Variants in MED31 observed in about 807,000 individuals in gnomAD.
MED31 encodes the protein mediator complex subunit 31.
Under a neutral mutation model 22.0 loss-of-function variants are expected in MED31, and 11 were observed. That is an observed-to-expected ratio of 0.50 (90% CI 0.31 to 0.83). MED31 has a LOEUF of 0.83. Ranked by LOEUF, MED31 falls within the 40% of genes least tolerant of loss-of-function variation. The pLI, the probability that MED31 is intolerant of heterozygous loss-of-function variation, is 0.04. For synonymous variants in MED31, 60 were observed against 55.1 expected, an observed-to-expected ratio of 1.09 and a Z score of -0.40; for missense variants, 122 against 155.3, an observed-to-expected ratio of 0.79 and a Z score of 1.14.
At chr17:6,649,215 GTTTTTTTTGTTT>G (rs1402907719) in intron 3 of MED31, among the ~76,000 whole-genome samples, 1 of 19,428 alleles carries the variant, frequency 5.1e-5, no homozygotes, top group Non-Finnish European at 9.1e-5. Flanking sequence ...GGTTTTTTTT[GTTTTTTTTGTTT>G]TTTTTTTTTA....
chr17:6,644,569 A>G lies in MED31; in HGVS notation c.294T>C (p.Asp98=). Residue 98 remains aspartate (D), a synonymous_variant, in exon 4 of 4, where the codon GAT becomes GAC. Transcript: ENST00000225728. ...LVNAQCAKFI[D]EQQILHWQHY... ...GCTGCCAATGTAGAATCTGCTGTTCATCAATAAATTTCGCACACTGAGCAT... is the reference window on the plus strand; with the variant it reads ...GCTGCCAATGTAGAATCTGCTGTTCGTCAATAAATTTCGCACACTGAGCAT... The G allele has an allele frequency of 1.2e-6, 2 of 1,613,960 alleles. No homozygotes were observed. Among genetic ancestry groups the G allele is most frequent in the Non-Finnish European group, 1.7e-6 (2 of 1,179,998 alleles).
At chr17:6,650,267 G>T in intron 2 of MED31, 89 bp downstream of exon 2, 1 of 1,371,358 alleles carries the variant, frequency 7.3e-7, no homozygotes, top group Non-Finnish European at 1.0e-6. Flanking sequence ...AACTGAGAAT[G>T]TGTAAAAGTA....
At chr17:6,646,675 G>A (rs753864377) in intron 3 of MED31, among the ~76,000 whole-genome samples, 4 of 152,248 alleles carry the variant, frequency 2.6e-5, no homozygotes, top group Admixed American at 6.5e-5. Flanking sequence ...CACTGCGGAA[G>A]GCCGCAGGGA....
chr17:6,650,968 A>G (rs1019253306), intron 1 of MED31, among the ~76,000 whole-genome samples: 2 of 151,632 alleles, frequency 1.3e-5, no homozygotes, highest in Admixed American at 6.6e-5. Context: ...AAATACAAAA[A>G]AAATTAGCCG....
At chr17:6,645,008 T>C (rs759099108) in intron 3 of MED31, among the ~76,000 whole-genome samples, 6 of 152,248 alleles carry the variant, frequency 3.9e-5, no homozygotes, top group Non-Finnish European at 8.8e-5. Context: ...ATGTGTTTAA[T>C]TGATAGTTAC....
intron 3 of MED31, among the ~76,000 whole-genome samples, chr17:6,648,406 T>A (rs116056152): frequency 0.013 from 1,937 of 152,292 alleles, 32 homozygotes; most frequent in African/African-American, 0.043. Flanking sequence ...GCAGGCCAAG[T>A]GGTAGAAAGT....
intron 3 of MED31, among the ~76,000 whole-genome samples, chr17:6,648,879 T>G (rs924621645): frequency 2.0e-5 from 3 of 152,204 alleles, no homozygotes; most frequent in South Asian, 4.1e-4. Context: ...TCGGCAACGT[T>G]GTGGGTAAGA....
chr17:6,647,691 A>G (rs186985962), intron 3 of MED31, among the ~76,000 whole-genome samples: 6 of 152,380 alleles, frequency 3.9e-5, no homozygotes, highest in Admixed American at 6.5e-5. Context: ...TTATGCTAGA[A>G]TGCTCTATTC....
chr17:6,645,321 A>G (rs1210059767), intron 3 of MED31, among the ~76,000 whole-genome samples: 1 of 152,222 alleles, frequency 6.6e-6, no homozygotes, highest in Non-Finnish European at 1.5e-5. Context: ...ATAAACATGT[A>G]TATGTGTGTG....
intron 1 of MED31, 104 bp from the exon 2 acceptor site, chr17:6,650,537 TG>T: frequency 9.7e-7 from 1 of 1,025,768 alleles, no homozygotes; most frequent in Non-Finnish European, 1.5e-6. Context: ...AATGTTGAGA[TG>T]GTCTTCCTAA....
At chr17:6,649,838 T>G in intron 3 of MED31, 144 bp downstream of exon 3, 1 of 792,046 alleles carries the variant, frequency 1.3e-6, no homozygotes, top group Non-Finnish European at 1.8e-6. Context: ...GTGTTACAAG[T>G]TAGAGATGAG....
rs542726099 is a variant in MED31, at chr17:6,643,725, A to C, written c.*742T>G. The C allele has an allele frequency of 6.0e-6, 1 of 166,596 alleles. No individual in the cohort carries two copies. The highest frequency in any genetic ancestry group is 1.6e-4 in the East Asian group (1 of 6,124). 10.3% of individuals were successfully genotyped at this position (166,596 alleles called of 1,614,324 possible). On this transcript the variant is annotated 3_prime_UTR_variant, in exon 4 of 4. Transcript: ENST00000225728. ...TCTCTTCTATAAACAAGGTTCTTAG[A>C]ATAAAATGAGAATTCAAGGAAGCAC...
rs200954876 is a variant in MED31, at chr17:6,644,581, C to T, written c.282G>A (p.Ala94=). The T allele has an allele frequency of 5.6e-6, 9 of 1,613,714 alleles. No homozygotes were observed. The highest frequency in any genetic ancestry group is 3.3e-5 in the Admixed American group (2 of 59,782). Residue 94 remains alanine (A), a synonymous_variant, in exon 4 of 4, where the codon GCG becomes GCA. Transcript: ENST00000225728. ...GAATCTGCTGTTCATCAATAAATTT[C>T]GCACACTGAGCATTCACCAGCTCCT... The part of the protein sequence containing the change: ...FRKELVNAQC[A]KFIDEQQILH...
At chr17:6,647,015 A>G (rs12941104) in intron 3 of MED31, among the ~76,000 whole-genome samples, 3 of 152,194 alleles carry the variant, frequency 2.0e-5, no homozygotes, top group Non-Finnish European at 4.4e-5. Flanking sequence ...TGCTAGTTAG[A>G]TATTTGTGTA....
intron 3 of MED31, among the ~76,000 whole-genome samples, chr17:6,644,907 A>G (rs1972747781): frequency 6.6e-6 from 1 of 152,248 alleles, no homozygotes; most frequent in Non-Finnish European, 1.5e-5. Flanking sequence ...CAACACAGTA[A>G]CTGGTAAGCA....
At chr17:6,649,126 A>G (rs1278795923) in intron 3 of MED31, among the ~76,000 whole-genome samples, 1 of 111,554 alleles carries the variant, frequency 9.0e-6, no homozygotes, top group Non-Finnish European at 1.9e-5. Flanking sequence ...TTCCTCTCAA[A>G]CTTTTTTTTT....
intron 3 of MED31, among the ~76,000 whole-genome samples, chr17:6,645,666 TAAG>T (rs1436238862): frequency 9.2e-5 from 14 of 152,116 alleles, no homozygotes; most frequent in Admixed American, 7.9e-4. Flanking sequence ...CTACTAAAAA[TAAG>T]AATCCAAAAG....
At chr17:6,650,593 A>T (rs572374686) in intron 1 of MED31, among the ~76,000 whole-genome samples, 160 bp from the exon 2 acceptor site, 1 of 152,360 alleles carries the variant, frequency 6.6e-6, no homozygotes, top group African/African-American at 2.4e-5. Flanking sequence ...ATCTAAGAAA[A>T]GCGGAGCCCT....
rs915597288 is a variant in MED31 at position 6,651,444 on chromosome 17, G to C, written c.28+57C>G. On this transcript the variant is annotated intron_variant, in intron 1 of 3. Transcript: ENST00000225728. ...GCCTGGAAGGAGGCCACGGGGAAGA[G>C]GTCTGGGTCAAGGAGAGTTCCATCT... The C allele has an allele frequency of 2.5e-6, 4 of 1,610,130 alleles. No homozygotes were observed. In the Admixed American group the frequency reaches 6.7e-5, roughly 27 times the overall value.
Sources: allele counts gnomAD v4.1 joint callset (sites outside exome capture counted in the v4.1 genomes callset), GRCh38; gene constraint gnomAD v4.1.1; transcripts MANE v1.5; gene names NCBI Gene and HGNC (gene_info 2026-07-23, HGNC 2026-07-21).